Variants in EPHA5 observed in about 807,000 individuals in gnomAD.
The protein encoded by EPHA5 is ephrin type-A receptor 5.
EPHA5 carries 60 observed loss-of-function variants against 105.0 expected under a neutral mutation model. The ratio of observed to expected loss-of-function variants is 0.57; its 90% CI spans 0.46 to 0.71. The LOEUF is 0.71. EPHA5 is among the 30% of genes least tolerant of loss of function. The probability of loss-of-function intolerance (pLI) is 0.00; values close to 1 mark genes in which losing one functional copy is unlikely to be tolerated. For synonymous variants in EPHA5, 513 were observed against 449.1 expected (o/e 1.14, Z -1.80); for missense variants, 1,218 against 1,274.7 (o/e 0.96, Z 0.68).
At chr4:65,466,350 C>A (rs1009218448) in intron 5 of EPHA5, among the ~76,000 whole-genome samples, 6 of 152,100 alleles carry the variant, frequency 3.9e-5, no homozygotes, top group Non-Finnish European at 8.8e-5. Context: ...GCAAATGTAC[C>A]TGGTAAAGTG....
intron 2 of EPHA5, among the ~76,000 whole-genome samples, chr4:65,639,870 G>C (rs1381065177): frequency 6.6e-6 from 1 of 151,940 alleles, no homozygotes; most frequent in Non-Finnish European, 1.5e-5. Flanking sequence ...AGGCTGTATT[G>C]CAAATTCATT....
intron 8 of EPHA5, among the ~76,000 whole-genome samples, chr4:65,371,480 C>T (rs968178781): frequency 6.6e-6 from 1 of 151,912 alleles, no homozygotes; most frequent in African/African-American, 2.4e-5. Context: ...AATTTGGTTG[C>T]AGTTATAATA....
rs1366453833 is a variant in EPHA5, at chr4:65,490,423, T to C, written c.1356A>G (p.Pro452=). The C allele has an allele frequency of 6.2e-7, 1 of 1,614,130 alleles. No individual in the cohort carries two copies. The highest frequency in any genetic ancestry group is 1.1e-5 in the South Asian group (1 of 91,080). ...TTACAGACACATACTGCCGGGCTCC[T>C]GGGCTCAAGTCGGACACTCCATTCA... ...EAVNGVSDLS[P]GARQYVSVNV... The change falls in exon 5 of 17, where the codon CCA becomes CCG. Residue 452 remains proline (P), a synonymous_variant. Transcript: ENST00000613740.
At chr4:65,424,342 G>A (rs1724220756) in intron 5 of EPHA5, among the ~76,000 whole-genome samples, 1 of 152,068 alleles carries the variant, frequency 6.6e-6, no homozygotes. Flanking sequence ...GCCTGCCATG[G>A]TACAGATACG....
intron 5 of EPHA5, among the ~76,000 whole-genome samples, chr4:65,429,589 G>A (rs1322565558): frequency 1.3e-5 from 2 of 151,830 alleles, no homozygotes; most frequent in African/African-American, 4.8e-5. Flanking sequence ...TAAATATAGA[G>A]AACCTATTCA....
chr4:65,459,428 TG>T (rs1354199552), intron 5 of EPHA5, among the ~76,000 whole-genome samples: 1 of 151,900 alleles, frequency 6.6e-6, no homozygotes, highest in African/African-American at 2.4e-5. Context: ...CTGTTCTTTT[TG>T]AGGATTTTAA....
intron 16 of EPHA5, among the ~76,000 whole-genome samples, chr4:65,326,918 T>C (rs1720134606): frequency 6.6e-6 from 1 of 151,320 alleles, no homozygotes; most frequent in East Asian, 1.9e-4. Flanking sequence ...CTTTCAAACA[T>C]GGAATTTATA....
chr4:65,324,970 T>C (rs547314605), intron 16 of EPHA5, among the ~76,000 whole-genome samples: 2 of 151,434 alleles, frequency 1.3e-5, no homozygotes, highest in East Asian at 2.0e-4. Context: ...TCAAGACAAG[T>C]GGCCATGGTT....
At chr4:65,421,328 A>T (rs1346049099) in intron 5 of EPHA5, among the ~76,000 whole-genome samples, 2 of 152,142 alleles carry the variant, frequency 1.3e-5, no homozygotes, top group African/African-American at 4.8e-5. Flanking sequence ...ATATGTATAG[A>T]TAACATGTCT....
At chr4:65,513,062 T>C (rs537134333) in intron 3 of EPHA5, among the ~76,000 whole-genome samples, 7 of 152,290 alleles carry the variant, frequency 4.6e-5, no homozygotes, top group South Asian at 2.1e-4. Flanking sequence ...TATTATGTGG[T>C]TTGGACAATT....
At chr4:65,535,758 T>C (rs1000741492) in intron 3 of EPHA5, among the ~76,000 whole-genome samples, 1 of 151,898 alleles carries the variant, frequency 6.6e-6, no homozygotes, top group Non-Finnish European at 1.5e-5. Context: ...GAGAGAATAA[T>C]ATGGGTCCAG....
chr4:65,378,761 TCTTGTTTG>T (rs1366248866), intron 8 of EPHA5, among the ~76,000 whole-genome samples: 1 of 150,998 alleles, frequency 6.6e-6, no homozygotes, highest in Non-Finnish European at 1.5e-5. Flanking sequence ...GAATGACTGC[TCTTGTTTG>T]CTTGTTTTCT....
intron 3 of EPHA5, among the ~76,000 whole-genome samples, chr4:65,587,026 G>T (rs988893552): frequency 1.3e-5 from 2 of 151,936 alleles, no homozygotes; most frequent in Admixed American, 1.3e-4. Context: ...TTTTATTTTT[G>T]CTTTTGCTTT....
intron 5 of EPHA5, among the ~76,000 whole-genome samples, chr4:65,425,709 T>A (rs1724370499): frequency 6.6e-6 from 1 of 151,996 alleles, no homozygotes; most frequent in Non-Finnish European, 1.5e-5. Context: ...AGTATTGAGG[T>A]TTTCTGAACT....
chr4:65,404,266 A>T (rs1722137261), intron 8 of EPHA5, 108 bp downstream of exon 8: 1 of 756,758 alleles, frequency 1.3e-6, no homozygotes, highest in East Asian at 2.6e-5. Context: ...ATCTGCTGAT[A>T]TATTGCTTGC....
At chr4:65,388,191 C>T (rs915761040) in intron 8 of EPHA5, among the ~76,000 whole-genome samples, 2 of 148,574 alleles carry the variant, frequency 1.3e-5, no homozygotes, top group African/African-American at 2.5e-5. Context: ...TGTATATGTG[C>T]CACATTTTCT....
intron 3 of EPHA5, among the ~76,000 whole-genome samples, chr4:65,561,178 A>G (rs1210256515): frequency 2.0e-5 from 3 of 151,884 alleles, no homozygotes; most frequent in African/African-American, 4.8e-5. Context: ...GGGACAAAAA[A>G]CACAAACATT....
intron 8 of EPHA5, among the ~76,000 whole-genome samples, chr4:65,402,339 T>A (rs192514737): frequency 1.3e-5 from 2 of 152,282 alleles, no homozygotes; most frequent in African/African-American, 4.8e-5. Flanking sequence ...TTTGTAGGAA[T>A]GTGCGCACGT....
At chr4:65,592,366 G>C (rs1377732445) in intron 3 of EPHA5, among the ~76,000 whole-genome samples, 1 of 152,076 alleles carries the variant, frequency 6.6e-6, no homozygotes, top group Non-Finnish European at 1.5e-5. Context: ...GATGAGGCAG[G>C]CTCTGGGAAA....
Sources: gnomAD v4.1 joint callset for allele counts (sites outside exome capture counted in the v4.1 genomes callset) on GRCh38, gnomAD v4.1.1 for gene constraint, MANE v1.5 for transcripts, NCBI Gene and HGNC (gene_info 2026-07-23, HGNC 2026-07-21) for gene names.